BTK: variants seen among roughly 807,000 people sequenced by gnomAD.
BTK encodes the protein Bruton tyrosine kinase, also known as tyrosine-protein kinase BTK.
A neutral mutation model predicts 57.4 loss-of-function variants in BTK; 5 were observed. That is an observed-to-expected ratio of 0.09 (90% CI 0.05 to 0.18). The LOEUF (loss-of-function observed/expected upper bound fraction) is 0.18, where lower values mean the gene tolerates loss of function less well. Among genes scored for constraint, BTK ranks in the 10% least tolerant of loss-of-function variants. The probability of loss-of-function intolerance (pLI) is 1.00; values close to 1 mark genes in which losing one functional copy is unlikely to be tolerated. For missense variants in BTK, 194 were observed against 501.2 expected, an observed-to-expected ratio of 0.39 and a Z score of 5.85; for synonymous variants, 154 against 174.3, an observed-to-expected ratio of 0.88 and a Z score of 0.92.
intron 4 of BTK, among the ~76,000 whole-genome samples, chrX:101,370,688 G>A (rs1264987935): frequency 3.6e-5 from 4 of 111,849 alleles, no homozygotes; most frequent in Admixed American, 9.5e-5. Context: ...TTTTAACCAT[G>A]TACAAGGCAT....
chrX:101,376,664 A>G (rs1333078054), intron 1 of BTK, among the ~76,000 whole-genome samples: 1 of 109,841 alleles, frequency 9.1e-6, no homozygotes, highest in African/African-American at 3.3e-5. Flanking sequence ...AAAAAACACT[A>G]AGTAAGTAAC....
At chrX:101,382,730 T>A (rs782647882) in intron 1 of BTK, among the ~76,000 whole-genome samples, 1 of 112,069 alleles carries the variant, frequency 8.9e-6, no homozygotes, top group African/African-American at 3.2e-5. Context: ...ATACTTTCAA[T>A]ATTCTCCCTC....
At chrX:101,369,264 A>T (rs1050245674) in intron 5 of BTK, among the ~76,000 whole-genome samples, 1 of 112,347 alleles carries the variant, frequency 8.9e-6, no homozygotes, top group African/African-American at 3.2e-5. Flanking sequence ...GTGCTTTTAC[A>T]TGTATTATTA....
At chrX:101,375,977 T>TG (rs60553058) in intron 1 of BTK, among the ~76,000 whole-genome samples, 429 of 103,429 alleles carry the variant, frequency 4.1e-3, no homozygotes, top group East Asian at 0.03. Context: ...TGGGTTTTGG[T>TG]GGGGGGGGGG....
intron 16 of BTK, 55 bp from the exon 17 acceptor site, chrX:101,354,043 A>C: frequency 1.1e-6 from 1 of 940,545 alleles, no homozygotes; most frequent in Non-Finnish European, 1.5e-6. Context: ...ATATTTGCTT[A>C]CGTTTTCTTG....
Position 101,359,404 on chromosome X carries a change from C to T in BTK, c.840-57G>A, listed in dbSNP as rs186468720. On this transcript the variant is annotated intron_variant, in intron 9 of 18. Coordinates refer to ENST00000308731, the MANE Select transcript of BTK (RefSeq NM_000061.3). ...CTGGTCATAAGCAGATTGGAGGTTA[C>T]AGCACCCTCCAGGGCTTGTCCATGT... is the stretch of plus-strand genomic sequence containing the variant. The T allele has an allele frequency of 1.2e-5, 13 of 1,077,247 alleles. No homozygotes were observed. In the African/African-American group the frequency reaches 1.8e-4, roughly 15 times the overall value. 88.8% of individuals were successfully genotyped at this position (1,077,247 alleles called of 1,213,427 possible). A position where few individuals can be genotyped will look rare whatever the true frequency, so the allele number is the denominator to read the frequency against.
rs1188438925 is a variant in BTK, at chrX:101,360,238, C to A, written c.777-88G>T. The A allele has an allele frequency of 6.1e-6, 4 of 659,629 alleles. No homozygotes were observed. The African/African-American group carries it at 8.7e-5, about 14-fold the overall frequency. The allele number at this position is 659,629 out of a possible 1,213,427, so 54.4% of individuals were successfully genotyped here. On this transcript the variant is annotated intron_variant, in intron 8 of 18. Coordinates refer to ENST00000308731, the MANE Select transcript of BTK (RefSeq NM_000061.3). ...TATGCCCACGTCCCTGAGCTCAGAA[C>A]AAATCTCAAATGGAGGTATATGTAT...
Position 101,356,250 on chromosome X carries a change from C to T in BTK, c.1368G>A (p.Lys456=). 8.3e-7 allele frequency: 1 copy of T among 1,211,119 alleles called. No homozygotes were observed. The highest frequency in any genetic ancestry group is 1.1e-6 in the Non-Finnish European group (1 of 894,981). Residue 456 remains lysine (K), a synonymous_variant, in exon 15 of 19, where the codon AAG becomes AAA. Transcript: ENST00000308731. ...TGCAGACGCCATACAACTGCACCAGCTTCTCATGGGAAAGATTCCTACAGG... is the reference window on the plus strand; with the variant it reads ...TGCAGACGCCATACAACTGCACCAGTTTCTCATGGGAAAGATTCCTACAGG... ...AKVMMNLSHE[K]LVQLYGVCTK...
chrX:101,365,720 A>G (rs1416016824), intron 5 of BTK, among the ~76,000 whole-genome samples: 1 of 112,578 alleles, frequency 8.9e-6, no homozygotes, highest in Non-Finnish European at 1.9e-5. Context: ...AGATTTGCCA[A>G]TGCTATTCTC....
intron 18 of BTK, among the ~76,000 whole-genome samples, chrX:101,350,408 T>C (rs1926241744): frequency 9.3e-6 from 1 of 107,072 alleles, no homozygotes; most frequent in Non-Finnish European, 1.9e-5. Context: ...GACCTTTTTT[T>C]TTTTTTTTTT....
At chrX:101,367,685 T>C (rs1342094553) in intron 5 of BTK, among the ~76,000 whole-genome samples, 25 of 109,719 alleles carry the variant, frequency 2.3e-4, no homozygotes, top group Admixed American at 2.1e-3. Context: ...AATAAATAAA[T>C]ATTTGTTGGA....
Position 101,360,076 on chromosome X carries a change from A to G in BTK, c.839+12T>C. 1 of 1,173,487 alleles carries G rather than the reference A, an allele frequency of 8.5e-7. No individual in the cohort carries two copies. The highest frequency in any genetic ancestry group is 1.2e-6 in the Non-Finnish European group (1 of 865,726). ...CTCCTGGAAGATTGTGGACTGACAT[A>G]AACATACTTACTCATACATTTCTAT... On this transcript the variant is annotated intron_variant, in intron 9 of 18. Transcript: ENST00000308731.
intron 4 of BTK, 143 bp downstream of exon 4, chrX:101,371,490 T>C (rs782408869): frequency 1.4e-5 from 8 of 561,769 alleles, no homozygotes; most frequent in Non-Finnish European, 2.2e-5. Context: ...CCCATGCCAG[T>C]CTCATTTCTT....
intron 1 of BTK, among the ~76,000 whole-genome samples, chrX:101,383,912 C>G: frequency 8.9e-6 from 1 of 111,799 alleles, no homozygotes; most frequent in South Asian, 3.8e-4. Flanking sequence ...TCCTCCTTCC[C>G]CTCCCCAGAT....
chrX:101,367,246 G>GA (rs10632421), intron 5 of BTK, among the ~76,000 whole-genome samples: 9,259 of 90,901 alleles, frequency 0.1, 422 homozygotes, highest in African/African-American at 0.14. Flanking sequence ...TCCATATCAA[G>GA]AAAAAAAAAA....
intron 1 of BTK, among the ~76,000 whole-genome samples, chrX:101,378,883 GAAT>G (rs1331853925): frequency 9.0e-6 from 1 of 111,302 alleles, no homozygotes; most frequent in Non-Finnish European, 1.9e-5. Flanking sequence ...ATACTATTAA[GAAT>G]AATAAGTCCA....
chrX:101,365,018 A>G (rs1003954324), intron 5 of BTK, among the ~76,000 whole-genome samples: 12 of 111,904 alleles, frequency 1.1e-4, no homozygotes, highest in African/African-American at 3.9e-4. Flanking sequence ...TGTTGGGATT[A>G]CAGGCATGAG....
intron 17 of BTK, 92 bp from the exon 18 acceptor site, chrX:101,353,443 C>T (rs1396910620): frequency 2.1e-6 from 2 of 949,331 alleles, no homozygotes; most frequent in East Asian, 3.1e-5. Context: ...AGATTAGAAT[C>T]AGTTGGTTCC....
At chrX:101,354,993 G>A (rs1293664916) in intron 15 of BTK, among the ~76,000 whole-genome samples, 1 of 112,564 alleles carries the variant, frequency 8.9e-6, no homozygotes, top group Non-Finnish European at 1.9e-5. Flanking sequence ...AGAATTAAGG[G>A]AGAGGCTGGG....
Sources: gnomAD v4.1 joint callset for allele counts (sites outside exome capture counted in the v4.1 genomes callset) on GRCh38, gnomAD v4.1.1 for gene constraint, MANE v1.5 for transcripts, NCBI Gene and HGNC (gene_info 2026-07-23, HGNC 2026-07-21) for gene names.